The following CRYBG3 variants were observed in gnomAD, a reference collection of about 807,000 sequenced individuals.
CRYBG3 encodes very large A-kinase anchor protein.
A neutral mutation model predicts 244.2 loss-of-function variants in CRYBG3; 127 were observed. The ratio of observed to expected loss-of-function variants is 0.52; its 90% CI spans 0.45 to 0.60. The LOEUF is 0.60. Ranked by LOEUF, CRYBG3 falls within the 20% of genes least tolerant of loss-of-function variation. The probability of loss-of-function intolerance (pLI) is 0.00; values close to 1 mark genes in which losing one functional copy is unlikely to be tolerated. For missense variants in CRYBG3, 3,325 were observed against 3,442.5 expected (o/e 0.97, Z 0.85); for synonymous variants, 1,132 against 1,195.8 (o/e 0.95, Z 1.10).
At chr3:97,857,708 C>T (rs967336464) in intron 2 of CRYBG3, among the ~76,000 whole-genome samples, 2 of 151,880 alleles carry the variant, frequency 1.3e-5, no homozygotes, top group African/African-American at 4.8e-5. Flanking sequence ...CTGTATGTGT[C>T]TCTATATGTG....
At chr3:97,828,509 T>C (rs891629043) in intron 1 of CRYBG3, among the ~76,000 whole-genome samples, 2 of 148,680 alleles carry the variant, frequency 1.3e-5, no homozygotes, top group Non-Finnish European at 3.0e-5. Context: ...TAAGGAAATA[T>C]CTCCAAGATA....
intron 1 of CRYBG3, among the ~76,000 whole-genome samples, chr3:97,834,375 G>C (rs561582017): frequency 3.3e-5 from 5 of 151,958 alleles, no homozygotes; most frequent in African/African-American, 4.8e-5. Flanking sequence ...GTATTTGGGT[G>C]GTCTCACCAA....
At position 97,891,590 on chromosome 3, in the gene CRYBG3, A is replaced by AT. The variant is rs369851262; in HGVS notation, c.7441-1270_7441-1269insT. ...AGCAGTCATACCAGCTATTTAGTTC[A>AT]CCCTAAAGAACTGAGGGTCTTGCAA... On this transcript the variant is annotated intron_variant, in intron 10 of 21. Transcript: ENST00000389622. 7.9e-4 allele frequency among the ~76,000 whole-genome samples: 120 copies of AT among 152,234 alleles called. 1 individual carries two copies. Among genetic ancestry groups the AT allele is most frequent in the African/African-American group, 2.6e-3 (110 of 41,560 alleles).
intron 17 of CRYBG3, chr3:97,933,461 T>A (rs2040120712): frequency 1.7e-6 from 1 of 581,810 alleles, no homozygotes; most frequent in South Asian, 1.7e-5. Context: ...GTTTTTATTA[T>A]GAGATTGATT....
rs1428899363 is a variant in CRYBG3, at chr3:97,874,520, A to T, written c.3326A>T (p.Tyr1109Phe). 3.3e-5 allele frequency: 50 copies of T among 1,534,956 alleles called. No individual in the cohort carries two copies. Among genetic ancestry groups the T allele is most frequent in the Non-Finnish European group, 4.2e-5 (48 of 1,146,444 alleles). ...VTNLLYPTTSYLEFETSVSIG... is the reference protein window; with the variant it reads ...VTNLLYPTTSFLEFETSVSIG... Reference sequence around the variant, plus strand: ...AACCTGTTGTACCCTACTACCTCTTATTTGGAATTTGAAACGTCTGTCTCA... The same window carrying T: ...AACCTGTTGTACCCTACTACCTCTTTTTTGGAATTTGAAACGTCTGTCTCA... The change falls in exon 4 of 22, where the codon TAT becomes TTT. Residue 1109 changes from tyrosine to phenylalanine, a missense_variant. By Grantham distance (22) the Tyr-to-Phe change is conservative. Coordinates refer to ENST00000389622, the MANE Select transcript of CRYBG3 (RefSeq NM_153605.4).
At chr3:97,869,932 T>G (rs1332385061) in intron 3 of CRYBG3, among the ~76,000 whole-genome samples, 1 of 152,158 alleles carries the variant, frequency 6.6e-6, no homozygotes, top group Admixed American at 6.5e-5. Context: ...TTCTCTTTTA[T>G]CAATTAGACA....
At chr3:97,854,890 T>C (rs1028585352) in intron 2 of CRYBG3, among the ~76,000 whole-genome samples, 1 of 152,128 alleles carries the variant, frequency 6.6e-6, no homozygotes, top group African/African-American at 2.4e-5. Flanking sequence ...CAGTACTATA[T>C]TGGATAAGAG....
At chr3:97,884,641 G>C (rs1164707910) in intron 7 of CRYBG3, among the ~76,000 whole-genome samples, 1 of 152,068 alleles carries the variant, frequency 6.6e-6, no homozygotes, top group Non-Finnish European at 1.5e-5. Flanking sequence ...GTGGCTTGCA[G>C]TTGCTCGTGT....
chr3:97,849,827 A>C (rs1259678809), intron 2 of CRYBG3, among the ~76,000 whole-genome samples: 1 of 152,182 alleles, frequency 6.6e-6, no homozygotes, highest in Non-Finnish European at 1.5e-5. Context: ...AGCATTTGTT[A>C]TTCTGGCCCA....
chr3:97,900,938 C>T (rs186895326), intron 15 of CRYBG3, among the ~76,000 whole-genome samples: 4 of 152,320 alleles, frequency 2.6e-5, no homozygotes, highest in Admixed American at 2.6e-4. Context: ...TTCATTTCTA[C>T]TGTATTAATA....
chr3:97,874,462 A>G lies in CRYBG3; in HGVS notation c.3268A>G (p.Lys1090Glu). Residue 1090 changes from lysine to glutamate, a missense_variant, in exon 4 of 22, where the codon AAA (lysine) becomes GAA (glutamate). Around this residue, in one of 4 missense-constraint regions of CRYBG3, gnomAD observed 1,526 missense variants for 1,443.2 expected, o/e 1.06. Transcript: ENST00000389622. ...QNNLDSIQVT[K>E]DLTHEGTSVT... ...TAATTTGGATTCTATACAAGTTACC[A>G]AAGATCTCACACATGAAGGTACCTC... The G allele has an allele frequency of 6.5e-7, 1 of 1,534,772 alleles. No homozygotes were observed.
At chr3:97,854,872 A>G (rs1045173022) in intron 2 of CRYBG3, among the ~76,000 whole-genome samples, 1 of 152,080 alleles carries the variant, frequency 6.6e-6, no homozygotes, top group Non-Finnish European at 1.5e-5. Flanking sequence ...TGCTCTGGCT[A>G]GGACTTCCAG....
chr3:97,835,100 T>C (rs2038713560), intron 1 of CRYBG3, among the ~76,000 whole-genome samples: 1 of 152,128 alleles, frequency 6.6e-6, no homozygotes. Flanking sequence ...AATAGTGCTC[T>C]AACATTTCTG....
At chr3:97,823,693 C>G (rs998323680) in intron 1 of CRYBG3, among the ~76,000 whole-genome samples, 1 of 152,130 alleles carries the variant, frequency 6.6e-6, no homozygotes, top group East Asian at 1.9e-4. Context: ...TGCCTGCCAC[C>G]GCCGTAACAG....
chr3:97,907,206 T>C (rs2039786914), intron 15 of CRYBG3, among the ~76,000 whole-genome samples: 1 of 152,246 alleles, frequency 6.6e-6, no homozygotes, highest in Non-Finnish European at 1.5e-5. Flanking sequence ...TCTAAAATTC[T>C]CTTTTTTTAT....
At chr3:97,939,430 T>C (rs1015670742) in intron 19 of CRYBG3, among the ~76,000 whole-genome samples, 1 of 152,064 alleles carries the variant, frequency 6.6e-6, no homozygotes, top group African/African-American at 2.4e-5. Context: ...CATATTCTTG[T>C]TTAGAAATTC....
intron 1 of CRYBG3, among the ~76,000 whole-genome samples, chr3:97,840,039 A>G (rs529494849): frequency 6.6e-6 from 1 of 152,200 alleles, no homozygotes; most frequent in Non-Finnish European, 1.5e-5. Flanking sequence ...AGAGTGGCAA[A>G]TATGTGGGAG....
At chr3:97,938,595 C>G (rs769374470) in intron 19 of CRYBG3, among the ~76,000 whole-genome samples, 1 of 151,956 alleles carries the variant, frequency 6.6e-6, no homozygotes, top group Non-Finnish European at 1.5e-5. Context: ...TCTGTTGGTT[C>G]AAATCCTGGC....
In CRYBG3 at chr3:97,880,089, T is replaced by G. The variant is rs1298795680; in HGVS notation, c.6993T>G (p.Val2331=). 1 of 1,554,578 alleles carries G rather than the reference T, an allele frequency of 6.4e-7. No individual in the cohort carries two copies. The highest frequency in any genetic ancestry group is 8.8e-7 in the Non-Finnish European group (1 of 1,132,324). The change falls in exon 6 of 22, where the codon GTT becomes GTG. Residue 2331 remains valine, a synonymous_variant. Coordinates refer to ENST00000389622, the MANE Select transcript of CRYBG3 (RefSeq NM_153605.4). ...WSFPNGVLIK[V]VRGCWILYEK... ...TTCCAAATGGAGTTCTAATAAAAGT[T>G]GTAAGGGGCTGGTAAGAAGTTTCTT...
Sources: gnomAD v4.1 joint callset for allele counts (sites outside exome capture counted in the v4.1 genomes callset) on GRCh38, gnomAD v4.1.1 for gene constraint, gnomAD v4.1.1 regional missense constraint, MANE v1.5 for transcripts, NCBI Gene and HGNC (gene_info 2026-07-23, HGNC 2026-07-21) for gene names.